RNF144A: variants seen among roughly 807,000 people sequenced by gnomAD.
The protein encoded by RNF144A is E3 ubiquitin-protein ligase RNF144A.
RNF144A carries 11 observed loss-of-function variants against 38.7 expected under a neutral mutation model. The observed-to-expected ratio is 0.28, with a 90% CI of 0.18 to 0.47. RNF144A has a LOEUF of 0.47. Ranked by LOEUF, RNF144A falls within the 20% of genes least tolerant of loss-of-function variation. The probability of loss-of-function intolerance (pLI) is 0.99; values close to 1 mark genes in which losing one functional copy is unlikely to be tolerated. For missense variants in RNF144A, 316 were observed against 377.2 expected, an observed-to-expected ratio of 0.84 and a Z score of 1.34; for synonymous variants, 149 against 143.9, an observed-to-expected ratio of 1.04 and a Z score of -0.25.
chr2:7,051,466 A>ATG (rs1673522701), intron 6 of RNF144A, among the ~76,000 whole-genome samples: 1 of 152,208 alleles, frequency 6.6e-6, no homozygotes, highest in African/African-American at 2.4e-5. Flanking sequence ...CGGTAGCTGC[A>ATG]TGTAGGGGAG....
chr2:6,931,032 C>T (rs1428319630), intron 1 of RNF144A, among the ~76,000 whole-genome samples: 2 of 152,232 alleles, frequency 1.3e-5, no homozygotes, highest in East Asian at 1.9e-4. Context: ...CCACATTGCT[C>T]CTAAACGGCT....
chr2:6,943,170 T>A lies in RNF144A; in HGVS notation c.-12+2023T>A, dbSNP rs944415151. Among the ~76,000 whole-genome samples the A allele has an allele frequency of 2.0e-5, 3 of 152,158 alleles. No homozygotes were observed. The highest frequency in any genetic ancestry group is 4.4e-5 in the Non-Finnish European group (3 of 68,036). On this transcript the variant is annotated intron_variant, in intron 2 of 8. Transcript: ENST00000320892. The surrounding 1 kb of genome is among the most constrained non-coding windows in gnomAD (Gnocchi z 4.3). ...TGGTATTTCAAGGAATAAGATCAGA[T>A]GAGATCCCCAGTGAAAGAAGAGAGG... is the stretch of plus-strand genomic sequence containing the variant.
intron 6 of RNF144A, among the ~76,000 whole-genome samples, chr2:7,058,064 G>A (rs1256428451): frequency 1.3e-5 from 2 of 152,152 alleles, no homozygotes; most frequent in East Asian, 1.9e-4. Context: ...AAGAGGCAAA[G>A]ATAACTATCT....
At chr2:7,050,508 G>A (rs112642147) in intron 6 of RNF144A, among the ~76,000 whole-genome samples, 6 of 152,148 alleles carry the variant, frequency 3.9e-5, no homozygotes, top group Non-Finnish European at 5.9e-5. Flanking sequence ...TCAGTCTCTC[G>A]TGGACACACC....
At chr2:6,939,995 C>T (rs184811254) in intron 1 of RNF144A, among the ~76,000 whole-genome samples, 35 of 152,150 alleles carry the variant, frequency 2.3e-4, no homozygotes, top group African/African-American at 7.7e-4. Flanking sequence ...TGTAACTCCC[C>T]CAAGTTTTTT....
chr2:7,018,111 C>G (rs151003154), intron 5 of RNF144A, among the ~76,000 whole-genome samples: 3 of 152,082 alleles, frequency 2.0e-5, no homozygotes, highest in Non-Finnish European at 2.9e-5. Context: ...ATGAAGAGAC[C>G]GAGACCCAGC....
intron 2 of RNF144A, among the ~76,000 whole-genome samples, chr2:6,965,614 G>A (rs1040971199): frequency 6.6e-5 from 10 of 152,296 alleles, no homozygotes; most frequent in East Asian, 3.9e-4. Flanking sequence ...CTGCAGGCCC[G>A]TGTGGTGGCG....
At chr2:7,073,267 G>T (rs561703171), downstream of RNF144A, among the ~76,000 whole-genome samples, 3 of 152,094 alleles carry the variant, frequency 2.0e-5, no homozygotes, top group Admixed American at 2.0e-4. Context: ...CTCACCCCAC[G>T]TTTGGCTGTT....
chr2:6,955,113 C>T (rs1235534618), intron 2 of RNF144A, among the ~76,000 whole-genome samples: 6 of 151,902 alleles, frequency 3.9e-5, no homozygotes, highest in Non-Finnish European at 4.4e-5. Flanking sequence ...AGATAAGAAA[C>T]GTTTTTTCTT....
At position 6,981,968 on chromosome 2, in the gene RNF144A, C is replaced by T. The variant is rs375792352; in HGVS notation, c.-11-14948C>T. Among the ~76,000 whole-genome samples, 573 of 152,298 alleles carry T rather than the reference C, an allele frequency of 3.8e-3. 3 individuals carry two copies. Among genetic ancestry groups the T allele is most frequent in the African/African-American group, 0.013 (553 of 41,548 alleles). ...TGGCAGAAGGCAAAAGGGAAGCAGA[C>T]ACCTTCTTCACAAGGCGGCAGGAGA... is the stretch of plus-strand genomic sequence containing the variant. On this transcript the variant is annotated intron_variant, in intron 2 of 8. Coordinates refer to ENST00000320892, the MANE Select transcript of RNF144A (RefSeq NM_014746.6).
chr2:7,012,851 C>T (rs2103416903), intron 3 of RNF144A, among the ~76,000 whole-genome samples: 1 of 152,308 alleles, frequency 6.6e-6, no homozygotes, highest in South Asian at 2.1e-4. Flanking sequence ...TCTTCATAAA[C>T]CATAGGTTGG....
chr2:6,974,910 T>G (rs1248456198), intron 2 of RNF144A, among the ~76,000 whole-genome samples: 1 of 152,210 alleles, frequency 6.6e-6, no homozygotes, highest in East Asian at 1.9e-4. Flanking sequence ...TAACCTTCTT[T>G]GAGTAGCCAA....
chr2:7,075,720 C>T, the RNF144A span, among the ~76,000 whole-genome samples: 3 of 152,124 alleles, frequency 2.0e-5, no homozygotes, highest in Non-Finnish European at 4.4e-5. Context: ...ATAAATTACC[C>T]AGTCTCAGGT....
intron 2 of RNF144A, among the ~76,000 whole-genome samples, chr2:6,957,649 G>A (rs1667094548): frequency 6.6e-6 from 1 of 152,160 alleles, no homozygotes; most frequent in Non-Finnish European, 1.5e-5. Context: ...CCCTCAACAA[G>A]TGCTTTTGGG....
chr2:6,948,963 C>T (rs1157794083), intron 2 of RNF144A, among the ~76,000 whole-genome samples: 9 of 152,118 alleles, frequency 5.9e-5, no homozygotes, highest in East Asian at 1.9e-4. Context: ...CATTGGTGGA[C>T]GAGGTCATTG....
intron 5 of RNF144A, among the ~76,000 whole-genome samples, chr2:7,016,104 T>TAAA (rs35418947): frequency 2.1e-3 from 242 of 115,090 alleles, no homozygotes; most frequent in African/African-American, 7.3e-3. Context: ...ACCCCGTCTC[T>TAAA]AAAAAAAAAA....
In RNF144A at chr2:7,020,626, C is replaced by T. The variant is rs1671460839; in HGVS notation, c.455C>T (p.Pro152Leu). 6 of 1,608,762 alleles carry T rather than the reference C, an allele frequency of 3.7e-6. No individual in the cohort carries two copies. The Admixed American group carries it at 5.0e-5, about 13-fold the overall frequency. Residue 152 changes from proline to leucine, a missense_variant, in exon 6 of 9, where the codon CCT (proline) becomes CTT (leucine). By Grantham distance (98) the Pro-to-Leu change is moderately conservative (BLOSUM62 -3). Coordinates refer to ENST00000320892, the MANE Select transcript of RNF144A (RefSeq NM_014746.6). ...TCCACCTGCAAAGCCAGCTGGCACC[C>T]TGGCCAGGGCTGCCCGGAGACCATG... ...FCSTCKASWHPGQGCPETMPI... is the reference protein window; with the variant it reads ...FCSTCKASWHLGQGCPETMPI...
Position 6,941,846 on chromosome 2 carries a change from G to A in RNF144A, c.-12+699G>A, listed in dbSNP as rs1666008532. ...GGCTGGTGGCTGCAGCATACGGACAGCTGGAGGAGCACCCAGGCCAGCCTG... is the reference window on the plus strand; with the variant it reads ...GGCTGGTGGCTGCAGCATACGGACAACTGGAGGAGCACCCAGGCCAGCCTG... On this transcript the variant is annotated intron_variant, in intron 2 of 8. Coordinates refer to ENST00000320892, the MANE Select transcript of RNF144A (RefSeq NM_014746.6). The surrounding 1 kb of genome is among the most constrained non-coding windows in gnomAD (Gnocchi z 6.5). Among the ~76,000 whole-genome samples, 1 of 152,244 alleles carries A rather than the reference G, an allele frequency of 6.6e-6. No individual in the cohort carries two copies. The highest frequency in any genetic ancestry group is 1.5e-5 in the Non-Finnish European group (1 of 68,040).
At chr2:7,033,778 G>A (rs1408840983) in intron 8 of RNF144A, among the ~76,000 whole-genome samples, 1 of 152,202 alleles carries the variant, frequency 6.6e-6, no homozygotes, top group African/African-American at 2.4e-5. Context: ...AAGTGCTCTT[G>A]GGAGCAGGGA....
Sources: allele counts gnomAD v4.1 joint callset (sites outside exome capture counted in the v4.1 genomes callset), GRCh38; gene constraint gnomAD v4.1.1; non-coding constraint Gnocchi (gnomAD v3.1); transcripts MANE v1.5; gene names NCBI Gene and HGNC (gene_info 2026-07-23, HGNC 2026-07-21).